Variants in PIK3C2G observed in about 807,000 individuals in gnomAD.
PIK3C2G encodes the protein phosphatidylinositol-4-phosphate 3-kinase catalytic subunit type 2 gamma, also known as phosphatidylinositol 3-kinase C2 domain-containing subunit gamma.
PIK3C2G carries 168 observed loss-of-function variants against 181.1 expected under a neutral mutation model. The observed-to-expected ratio is 0.93, with a 90% CI of 0.82 to 1.05. The LOEUF (loss-of-function observed/expected upper bound fraction) is 1.05, where lower values mean the gene tolerates loss of function less well. Among genes scored for constraint, PIK3C2G ranks in the 50% least tolerant of loss-of-function variants. The probability of loss-of-function intolerance (pLI) is 0.00; values close to 1 mark genes in which losing one functional copy is unlikely to be tolerated. For synonymous variants in PIK3C2G, 573 were observed against 592.2 expected (o/e 0.97, Z 0.47); for missense variants, 1,869 against 1,732.8 (o/e 1.08, Z -1.40).
the PIK3C2G span, among the ~76,000 whole-genome samples, chr12:18,710,089 A>C: frequency 6.6e-6 from 1 of 151,136 alleles, no homozygotes; most frequent in African/African-American, 2.4e-5. Flanking sequence ...ATACAGGATT[A>C]TGTCATCTGC....
chr12:18,665,342 C>T, the PIK3C2G span, among the ~76,000 whole-genome samples: 1 of 151,814 alleles, frequency 6.6e-6, no homozygotes, highest in South Asian at 2.1e-4. Flanking sequence ...GTATTTAATA[C>T]CACTGAACTG....
At chr12:18,643,880 C>T (rs575573310) in intron 32 of PIK3C2G, among the ~76,000 whole-genome samples, 20 of 152,164 alleles carry the variant, frequency 1.3e-4, no homozygotes, top group South Asian at 4.2e-4. Context: ...CTGTAAAAGC[C>T]GTGTACTGTT....
intron 2 of PIK3C2G, among the ~76,000 whole-genome samples, chr12:18,284,601 T>C (rs556802242): frequency 6.6e-6 from 1 of 152,190 alleles, no homozygotes; most frequent in African/African-American, 2.4e-5. Flanking sequence ...ATTAAAAGTA[T>C]GTTCAAGTAG....
chr12:18,708,331 G>A, the PIK3C2G span, among the ~76,000 whole-genome samples: 7 of 152,040 alleles, frequency 4.6e-5, no homozygotes, highest in Non-Finnish European at 7.4e-5. Flanking sequence ...TCATGCTGTG[G>A]TAAATGGAAA....
chr12:18,504,431 CT>C (rs1941695509), intron 23 of PIK3C2G, among the ~76,000 whole-genome samples: 1 of 152,158 alleles, frequency 6.6e-6, no homozygotes, highest in South Asian at 2.1e-4. Context: ...ATTATTTTCA[CT>C]TTCTAAGTGA....
chr12:18,696,288 A>G, the PIK3C2G span: 2 of 1,079,752 alleles, frequency 1.9e-6, no homozygotes, highest in Non-Finnish European at 1.3e-6. Flanking sequence ...TAATTAAAAC[A>G]TTGTGAAAGA....
chr12:18,397,177 T>A (rs61914534), intron 15 of PIK3C2G, among the ~76,000 whole-genome samples: 19,146 of 151,888 alleles, frequency 0.13, 1,245 homozygotes, highest in African/African-American at 0.15. Context: ...AAATGAAAAA[T>A]GTACTTTCAG....
intron 24 of PIK3C2G, among the ~76,000 whole-genome samples, chr12:18,525,133 A>G (rs376527611): frequency 1.3e-5 from 2 of 151,808 alleles, no homozygotes; most frequent in East Asian, 2.0e-4. Flanking sequence ...GCTCATGCCT[A>G]TAATCCCAGC....
Position 18,382,291 on chromosome 12 carries a change from C to A in PIK3C2G, c.1995+411C>A. ...TTCTGTTATATGTTTCTTAAAATGA[C>A]TAGCAATTAACTGAGTAGTAGAAAA... On this transcript the variant is annotated intron_variant, in intron 14 of 32. Coordinates refer to ENST00000538779, the MANE Select transcript of PIK3C2G (RefSeq NM_001288772.2). Among the ~76,000 whole-genome samples the A allele has an allele frequency of 1.3e-5, 2 of 152,104 alleles. 1 individual carries two copies. Among genetic ancestry groups the A allele is most frequent in the Non-Finnish European group, 2.9e-5 (2 of 68,024 alleles).
chr12:18,470,650 G>A (rs542534163), intron 18 of PIK3C2G, among the ~76,000 whole-genome samples: 2 of 152,234 alleles, frequency 1.3e-5, no homozygotes, highest in East Asian at 1.9e-4. Flanking sequence ...AGCCTAGGAT[G>A]TATCCTTGCC....
chr12:18,268,441 T>A (rs1948602862), intron 1 of PIK3C2G, among the ~76,000 whole-genome samples: 1 of 152,130 alleles, frequency 6.6e-6, no homozygotes, highest in South Asian at 2.1e-4. Flanking sequence ...GGATATTATT[T>A]CCCGAAACCA....
chr12:18,541,366 G>A (rs187134875), intron 25 of PIK3C2G, among the ~76,000 whole-genome samples: 1 of 151,988 alleles, frequency 6.6e-6, no homozygotes, highest in African/African-American at 2.4e-5. Context: ...AACATCTGTA[G>A]GAGACCCAAG....
intron 1 of PIK3C2G, among the ~76,000 whole-genome samples, chr12:18,250,554 CAA>C (rs1948086143): frequency 6.6e-6 from 1 of 151,970 alleles, no homozygotes; most frequent in African/African-American, 2.4e-5. Flanking sequence ...CCCTCAGAAA[CAA>C]AGCAGATATT....
Position 18,268,827 on chromosome 12 carries a change from AT to A in PIK3C2G, c.-79+7253del, listed in dbSNP as rs1948621357. ...TTTACCTACATTTGCCTTCCAAAAA[AT>A]TTCTAGATCTTTCTCTAAATCATAT... is the stretch of plus-strand genomic sequence containing the variant. On this transcript the variant is annotated intron_variant, in intron 1 of 32. Coordinates refer to ENST00000538779, the MANE Select transcript of PIK3C2G (RefSeq NM_001288772.2). Among the ~76,000 whole-genome samples, 2 of 152,290 alleles carry A rather than the reference AT, an allele frequency of 1.3e-5. 1 individual carries two copies. Among genetic ancestry groups the A allele is most frequent in the Admixed American group, 1.3e-4 (2 of 15,294 alleles).
chr12:18,529,858 G>A (rs997058316), intron 24 of PIK3C2G, among the ~76,000 whole-genome samples: 8 of 152,144 alleles, frequency 5.3e-5, no homozygotes, highest in Non-Finnish European at 1.2e-4. Context: ...TTGTGGGAAA[G>A]GTGGGGGAAA....
At chr12:18,395,727 A>G (rs1943846145) in intron 15 of PIK3C2G, among the ~76,000 whole-genome samples, 1 of 151,556 alleles carries the variant, frequency 6.6e-6, no homozygotes, top group Non-Finnish European at 1.5e-5. Flanking sequence ...TTCAATAAGA[A>G]TGAAAATGGA....
chr12:18,520,691 ACC>A (rs1942856176), intron 24 of PIK3C2G, among the ~76,000 whole-genome samples: 1 of 151,362 alleles, frequency 6.6e-6, no homozygotes, highest in Non-Finnish European at 1.5e-5. Context: ...GCTTGCTATT[ACC>A]CCCCTTCTGA....
At chr12:18,317,915 C>T (rs1168883495) in intron 6 of PIK3C2G, among the ~76,000 whole-genome samples, 1 of 152,200 alleles carries the variant, frequency 6.6e-6, no homozygotes, top group African/African-American at 2.4e-5. Flanking sequence ...AAATGAAGAG[C>T]TTAAGTCAGT....
chr12:18,416,408 T>C (rs1421947189), intron 16 of PIK3C2G, among the ~76,000 whole-genome samples: 1 of 152,180 alleles, frequency 6.6e-6, no homozygotes, highest in Non-Finnish European at 1.5e-5. Flanking sequence ...AGCAACAGAT[T>C]TTCAATATAG....
Sources: gnomAD v4.1 joint callset for allele counts (sites outside exome capture counted in the v4.1 genomes callset) on GRCh38, gnomAD v4.1.1 for gene constraint, MANE v1.5 for transcripts, NCBI Gene and HGNC (gene_info 2026-07-23, HGNC 2026-07-21) for gene names.